The following ART3 variants were observed in gnomAD, a reference collection of about 807,000 sequenced individuals.
The protein encoded by ART3 is ecto-ADP-ribosyltransferase 3.
In ART3, 49 loss-of-function variants were observed where a neutral mutation model predicts 48.5. The observed-to-expected ratio is 1.01, with a 90% CI of 0.80 to 1.28. ART3 has a LOEUF of 1.28. Ranked by LOEUF, ART3 falls within the 50% of genes most tolerant of loss-of-function variation. The pLI is 0.00. For missense variants in ART3, 438 were observed against 454.3 expected, an observed-to-expected ratio of 0.96 and a Z score of 0.33; for synonymous variants, 145 against 157.2, an observed-to-expected ratio of 0.92 and a Z score of 0.58.
intron 3 of ART3, among the ~76,000 whole-genome samples, chr4:76,083,336 A>C (rs1463258750): frequency 6.6e-6 from 1 of 152,180 alleles, no homozygotes; most frequent in Non-Finnish European, 1.5e-5. Flanking sequence ...AACATGCTTC[A>C]ACATGTTATT....
chr4:76,097,542 AC>A, intron 3 of ART3, 101 bp from the exon 4 acceptor site: 1 of 997,572 alleles, frequency 1.0e-6, no homozygotes. Context: ...AGTCTGATAA[AC>A]CAGGAGCTGA....
At chr4:76,077,159 T>G (rs1380932523) in intron 2 of ART3, among the ~76,000 whole-genome samples, 1 of 152,192 alleles carries the variant, frequency 6.6e-6, no homozygotes, top group Non-Finnish European at 1.5e-5. Flanking sequence ...AAAGAAACCC[T>G]GTACTTATTA....
At chr4:76,078,412 C>G (rs193138125) in intron 2 of ART3, among the ~76,000 whole-genome samples, 4 of 152,214 alleles carry the variant, frequency 2.6e-5, no homozygotes, top group African/African-American at 9.6e-5. Flanking sequence ...GAAGATAAAT[C>G]AGGCATTGGC....
chr4:76,047,017 C>T (rs953533657), intron 1 of ART3, among the ~76,000 whole-genome samples: 1 of 151,964 alleles, frequency 6.6e-6, no homozygotes, highest in African/African-American at 2.4e-5. Context: ...GCCCCGGGCA[C>T]CCTCAGTCCT....
intron 1 of ART3, among the ~76,000 whole-genome samples, chr4:76,025,126 G>T (rs764080400): frequency 2.8e-4 from 43 of 152,316 alleles, no homozygotes; most frequent in African/African-American, 9.9e-4. Context: ...GAGACTGACA[G>T]AACCCAAAAG....
At chr4:76,098,804 A>G (rs1459332453) in intron 4 of ART3, 151 bp from the exon 5 acceptor site, 6 of 604,632 alleles carry the variant, frequency 9.9e-6, no homozygotes, top group Non-Finnish European at 1.4e-5. Flanking sequence ...TTTGAATTGA[A>G]ATTTTATATC....
intron 11 of ART3, 75 bp downstream of exon 11, chr4:76,107,868 C>T (rs1466948713): frequency 3.2e-6 from 4 of 1,259,508 alleles, no homozygotes; most frequent in East Asian, 2.5e-5. Context: ...ATTTATTTTT[C>T]CTCAATAAAG....
At chr4:76,072,136 A>ACTCCTGGGTTCAAGCCATC (rs1395053676), upstream of ART3, among the ~76,000 whole-genome samples, 1 of 151,956 alleles carries the variant, frequency 6.6e-6, no homozygotes, top group African/African-American at 2.4e-5. Flanking sequence ...CCAGGCTAGG[A>ACTCCTGGGTTCAAGCCATC]CTCCTGGCTT....
At chr4:76,017,813 C>T (rs1732402493) in intron 1 of ART3, among the ~76,000 whole-genome samples, 1 of 152,228 alleles carries the variant, frequency 6.6e-6, no homozygotes, top group Non-Finnish European at 1.5e-5. Context: ...TAAATGCTCC[C>T]TCCATGGGCA....
intron 8 of ART3, among the ~76,000 whole-genome samples, chr4:76,101,438 C>T (rs550332943): frequency 1.3e-5 from 2 of 152,152 alleles, no homozygotes; most frequent in Admixed American, 6.5e-5. Flanking sequence ...CCAAGTGTAA[C>T]TTATCCTCAA....
chr4:76,029,141 T>C (rs1035991845), intron 1 of ART3, among the ~76,000 whole-genome samples: 7 of 152,220 alleles, frequency 4.6e-5, no homozygotes, highest in Non-Finnish European at 1.0e-4. Flanking sequence ...TGATTCATCA[T>C]TGGTTGTCTT....
chr4:76,071,570 A>C (rs941568222), upstream of ART3, among the ~76,000 whole-genome samples: 1 of 152,146 alleles, frequency 6.6e-6, no homozygotes, highest in Non-Finnish European at 1.5e-5. Context: ...CCACTCTTCT[A>C]TCAGACCTGC....
chr4:76,071,583 T>C (rs1038926252), upstream of ART3, among the ~76,000 whole-genome samples: 2 of 152,240 alleles, frequency 1.3e-5, no homozygotes, highest in African/African-American at 4.8e-5. Flanking sequence ...AGACCTGCTC[T>C]TAAACAAAAC....
At chr4:76,024,607 A>C (rs1053775489) in intron 1 of ART3, among the ~76,000 whole-genome samples, 1 of 152,206 alleles carries the variant, frequency 6.6e-6, no homozygotes, top group Admixed American at 6.5e-5. Flanking sequence ...GAAATTTAGC[A>C]GTATCCATGG....
At chr4:76,021,895 T>C in intron 1 of ART3, 1 of 1,600,498 alleles carries the variant, frequency 6.2e-7, no homozygotes, top group Non-Finnish European at 8.6e-7. Flanking sequence ...GGTCCATCCT[T>C]GGAAGCACTG....
intron 1 of ART3, among the ~76,000 whole-genome samples, chr4:76,041,805 T>C (rs1439000644): frequency 6.6e-6 from 1 of 152,212 alleles, no homozygotes; most frequent in Non-Finnish European, 1.5e-5. Context: ...ACTGACTCCA[T>C]ACTTATTTTA....
chr4:76,104,999 G>A (rs566447324), intron 10 of ART3, among the ~76,000 whole-genome samples: 17 of 152,210 alleles, frequency 1.1e-4, no homozygotes, highest in Non-Finnish European at 2.5e-4. Flanking sequence ...GAAGCTGCGT[G>A]CTGTATAAAG....
At chr4:76,085,933 G>A (rs893464605) in intron 3 of ART3, among the ~76,000 whole-genome samples, 22 of 152,038 alleles carry the variant, frequency 1.4e-4, no homozygotes, top group African/African-American at 4.1e-4. Context: ...TTAGCCAGGC[G>A]TGGTGCCACG....
chr4:76,026,670 C>T (rs1175743744), intron 1 of ART3, among the ~76,000 whole-genome samples: 1 of 145,740 alleles, frequency 6.9e-6, no homozygotes, highest in Non-Finnish European at 1.5e-5. Context: ...TAGAGTGGTA[C>T]CCCTAAAAGC....
Sources: gnomAD v4.1 joint callset for allele counts (sites outside exome capture counted in the v4.1 genomes callset) on GRCh38, gnomAD v4.1.1 for gene constraint, MANE v1.5 for transcripts, NCBI Gene and HGNC (gene_info 2026-07-23, HGNC 2026-07-21) for gene names.